Variants in FRK observed in about 807,000 individuals in gnomAD.
The protein encoded by FRK is fyn related Src family tyrosine kinase, also known as tyrosine-protein kinase FRK.
FRK carries 51 observed loss-of-function variants against 56.4 expected under a neutral mutation model. The ratio of observed to expected loss-of-function variants is 0.90; its 90% CI spans 0.72 to 1.14. The LOEUF is 1.14. FRK is among the 50% of genes most tolerant of loss of function. The pLI is 0.00. For missense variants in FRK, 570 were observed against 601.4 expected (o/e 0.95, Z 0.55); for synonymous variants, 245 against 217.9 (o/e 1.12, Z -1.10).
Position 115,984,800 on chromosome 6 carries a change from T to C in FRK, c.467-16061A>G, listed in dbSNP as rs192032165. On this transcript the variant is annotated intron_variant, in intron 2 of 7. Transcript: ENST00000606080. ...AATAGCTTCTGAATTAGACTTTGAA[T>C]CACATGATCAGTATCCACTTCTGTT... Among the ~76,000 whole-genome samples, 11 of 151,906 alleles carry C rather than the reference T, an allele frequency of 7.2e-5. No individual in the cohort carries two copies. The East Asian group carries it at 1.9e-3, about 27-fold the overall frequency.
chr6:115,936,997 G>A lies in FRK; in HGVS notation c.*5417C>T, dbSNP rs1395391682. On this transcript the variant is annotated 3_prime_UTR_variant, in exon 8 of 8. Transcript: ENST00000606080. ...AGAACGCCACAAAGATACTCCTCGA[G>A]CAGAGCAACCCCAAGACATATAATC... is the stretch of plus-strand genomic sequence containing the variant. 6.6e-6 allele frequency: 1 copy of A among 152,146 alleles called. No individual in the cohort carries two copies. Among genetic ancestry groups the A allele is most frequent in the East Asian group, 1.9e-4 (1 of 5,192 alleles). The allele number at this position is 152,146 out of a possible 1,614,324, so 9.4% of individuals were successfully genotyped here.
upstream of FRK, among the ~76,000 whole-genome samples, chr6:116,064,754 A>G (rs1777727740): frequency 6.6e-6 from 1 of 152,186 alleles, no homozygotes; most frequent in African/African-American, 2.4e-5. Flanking sequence ...TCACTCTCCT[A>G]CACAATAACC....
the FRK span, among the ~76,000 whole-genome samples, chr6:116,069,649 G>A: frequency 1.3e-5 from 2 of 152,164 alleles, no homozygotes; most frequent in East Asian, 3.9e-4. Flanking sequence ...GATTAATTCT[G>A]CTTAGTTTCG....
At chr6:115,958,133 G>C (rs144713521) in intron 4 of FRK, among the ~76,000 whole-genome samples, 1 of 152,138 alleles carries the variant, frequency 6.6e-6, no homozygotes, top group Non-Finnish European at 1.5e-5. Flanking sequence ...ACTCCACACA[G>C]TCAAATAGGA....
chr6:116,088,005 A>G, the FRK span, among the ~76,000 whole-genome samples: 3 of 152,184 alleles, frequency 2.0e-5, no homozygotes, highest in African/African-American at 7.2e-5. Context: ...ACCCTCAATC[A>G]TGACAACAGG....
the FRK span, among the ~76,000 whole-genome samples, chr6:116,082,037 C>A: frequency 6.6e-6 from 1 of 151,950 alleles, no homozygotes; most frequent in African/African-American, 2.4e-5. Context: ...ATCTAATCAC[C>A]CAAGAGGGTA....
chr6:116,093,266 G>A, the FRK span, among the ~76,000 whole-genome samples: 328 of 151,116 alleles, frequency 2.2e-3, 3 homozygotes, highest in African/African-American at 7.6e-3. Flanking sequence ...AAAAACCCCC[G>A]GGCTATCAGT....
chr6:116,093,010 T>A, the FRK span, among the ~76,000 whole-genome samples: 3 of 152,116 alleles, frequency 2.0e-5, no homozygotes, highest in Non-Finnish European at 4.4e-5. Flanking sequence ...AACAATACTA[T>A]CCTGCAGCTT....
chr6:116,096,927 C>A, the FRK span, among the ~76,000 whole-genome samples: 13 of 152,306 alleles, frequency 8.5e-5, no homozygotes, highest in East Asian at 3.9e-4. Context: ...AGACCAAGAA[C>A]CCCCTGGAAG....
chr6:115,970,686 G>C (rs1413056698), intron 2 of FRK, among the ~76,000 whole-genome samples: 1 of 152,164 alleles, frequency 6.6e-6, no homozygotes, highest in Admixed American at 6.5e-5. Flanking sequence ...ATTGCTTGAG[G>C]CTAGGTCTGC....
At chr6:115,953,672 A>G (rs192929107) in intron 5 of FRK, among the ~76,000 whole-genome samples, 1 of 152,264 alleles carries the variant, frequency 6.6e-6, no homozygotes, top group Admixed American at 6.5e-5. Flanking sequence ...AGTAAACCAC[A>G]TCACCAAGCC....
chr6:116,035,493 A>G (rs1776443590), intron 1 of FRK, among the ~76,000 whole-genome samples: 1 of 152,100 alleles, frequency 6.6e-6, no homozygotes, highest in African/African-American at 2.4e-5. Context: ...ACACACATTC[A>G]GAAACTCTCT....
chr6:115,989,992 G>A (rs1032520370), intron 2 of FRK, among the ~76,000 whole-genome samples: 1 of 151,774 alleles, frequency 6.6e-6, no homozygotes, highest in Admixed American at 6.6e-5. Context: ...GAATGGTGTA[G>A]GATGGTATCT....
the FRK span, among the ~76,000 whole-genome samples, chr6:116,075,890 G>A: frequency 6.6e-6 from 1 of 152,128 alleles, no homozygotes; most frequent in Non-Finnish European, 1.5e-5. Flanking sequence ...GAGATCTGCA[G>A]GGCCTGTAGA....
intron 4 of FRK, among the ~76,000 whole-genome samples, chr6:115,961,427 C>T (rs1241225508): frequency 8.0e-6 from 1 of 124,404 alleles, no homozygotes; most frequent in Non-Finnish European, 1.6e-5. Flanking sequence ...GATTGGTGTA[C>T]CTAAAAGTGA....
At chr6:116,086,504 C>T in the FRK span, among the ~76,000 whole-genome samples, 1 of 152,270 alleles carries the variant, frequency 6.6e-6, no homozygotes, top group East Asian at 1.9e-4. Context: ...GTCTGCCCAT[C>T]AGTTCTTGGT....
chr6:116,066,451 ATG>A, the FRK span, among the ~76,000 whole-genome samples: 1 of 146,612 alleles, frequency 6.8e-6, no homozygotes, highest in Non-Finnish European at 1.5e-5. Context: ...GTGTGTGTGT[ATG>A]TGTGTGTGTA....
intron 1 of FRK, among the ~76,000 whole-genome samples, chr6:116,054,394 A>G (rs1052569512): frequency 1.4e-5 from 2 of 146,502 alleles, no homozygotes; most frequent in Non-Finnish European, 3.0e-5. Context: ...GTATATTTAT[A>G]GTGTATTTTT....
chr6:116,080,489 T>C, the FRK span, among the ~76,000 whole-genome samples: 31 of 152,176 alleles, frequency 2.0e-4, no homozygotes, highest in African/African-American at 7.5e-4. Context: ...CCAGAAGCCT[T>C]GAACCCAACA....
Sources: allele counts gnomAD v4.1 joint callset (sites outside exome capture counted in the v4.1 genomes callset), GRCh38; gene constraint gnomAD v4.1.1; transcripts MANE v1.5; gene names NCBI Gene and HGNC (gene_info 2026-07-23, HGNC 2026-07-21).